MAGI2: variants seen among roughly 807,000 people sequenced by gnomAD.
The protein encoded by MAGI2 is membrane associated guanylate kinase, WW and PDZ domain containing 2.
In MAGI2, 35 loss-of-function variants were observed where a neutral mutation model predicts 133.3. The observed-to-expected ratio is 0.26, with a 90% CI of 0.20 to 0.35. The LOEUF is 0.35. Ranked by LOEUF, MAGI2 falls within the 10% of genes least tolerant of loss-of-function variation. The probability of loss-of-function intolerance (pLI) is 1.00; values close to 1 mark genes in which losing one functional copy is unlikely to be tolerated. For synonymous variants in MAGI2, 729 were observed against 710.6 expected, an observed-to-expected ratio of 1.03 and a Z score of -0.41; for missense variants, 1,636 against 1,863.4, an observed-to-expected ratio of 0.88 and a Z score of 2.25.
intron 2 of MAGI2, among the ~76,000 whole-genome samples, chr7:78,838,923 G>A (rs910297970): frequency 1.3e-5 from 2 of 152,016 alleles, no homozygotes; most frequent in Non-Finnish European, 2.9e-5. Context: ...AACACCATGA[G>A]ATACTCTAGT....
At chr7:79,124,239 T>G (rs1015076225) in intron 1 of MAGI2, among the ~76,000 whole-genome samples, 1 of 152,218 alleles carries the variant, frequency 6.6e-6, no homozygotes, top group East Asian at 1.9e-4. Context: ...CATTGTTTAG[T>G]GTTTTTAAGA....
chr7:78,369,652 T>G (rs1328379747), intron 6 of MAGI2, among the ~76,000 whole-genome samples: 1 of 152,106 alleles, frequency 6.6e-6, no homozygotes, highest in Non-Finnish European at 1.5e-5. Flanking sequence ...ACAAAGACAT[T>G]ATAAATTCTC....
rs1047827906 is a variant in MAGI2 at position 79,134,576 on chromosome 7, C to T, written c.302-127370G>A. 7.2e-5 allele frequency among the ~76,000 whole-genome samples: 11 copies of T among 152,264 alleles called. 1 individual carries two copies. The highest frequency in any genetic ancestry group is 1.9e-4 in the East Asian group (1 of 5,180). On this transcript the variant is annotated intron_variant, in intron 1 of 21. Transcript: ENST00000354212. ...AAACAATCTCTTACCTTCTCTATAT[C>T]GCACATACTTAAGTAGAGAAAAATA...
chr7:78,533,028 G>A (rs927127181), intron 3 of MAGI2, among the ~76,000 whole-genome samples: 5 of 151,256 alleles, frequency 3.3e-5, no homozygotes, highest in Non-Finnish European at 7.4e-5. Flanking sequence ...TGCAAGCTCT[G>A]CCTCCCGGGT....
intron 2 of MAGI2, among the ~76,000 whole-genome samples, chr7:78,828,358 T>A (rs1235502456): frequency 6.6e-6 from 1 of 152,192 alleles, no homozygotes; most frequent in African/African-American, 2.4e-5. Flanking sequence ...GTCTTTTGGA[T>A]CTGATGTGAT....
At chr7:78,920,416 T>C (rs1394741463) in intron 2 of MAGI2, among the ~76,000 whole-genome samples, 2 of 152,184 alleles carry the variant, frequency 1.3e-5, no homozygotes, top group East Asian at 3.8e-4. Flanking sequence ...TTGTTTTTAG[T>C]TTCAAGTTAA....
chr7:78,731,051 A>G (rs945547257), intron 2 of MAGI2, among the ~76,000 whole-genome samples: 1 of 152,116 alleles, frequency 6.6e-6, no homozygotes, highest in Non-Finnish European at 1.5e-5. Flanking sequence ...TTAAAAAAAA[A>G]AGCTCCTTAC....
At chr7:78,624,913 A>G (rs1423256724) in intron 3 of MAGI2, among the ~76,000 whole-genome samples, 1 of 152,068 alleles carries the variant, frequency 6.6e-6, no homozygotes, top group Non-Finnish European at 1.5e-5. Context: ...TATTCCTTCT[A>G]CTTATTAAAA....
At chr7:78,606,795 A>G (rs1005897484) in intron 3 of MAGI2, among the ~76,000 whole-genome samples, 3 of 151,816 alleles carry the variant, frequency 2.0e-5, no homozygotes, top group Non-Finnish European at 2.9e-5. Context: ...CTTGCAGTTA[A>G]CATGCCCTTG....
intron 1 of MAGI2, chr7:79,009,213 G>C (rs549496673): frequency 6.6e-6 from 1 of 151,840 alleles, no homozygotes; most frequent in East Asian, 1.9e-4. Context: ...TATATTATCA[G>C]TTTAAACCTT....
chr7:78,718,043 G>T (rs1302074746), intron 2 of MAGI2, among the ~76,000 whole-genome samples: 2 of 152,100 alleles, frequency 1.3e-5, no homozygotes, highest in South Asian at 2.1e-4. Flanking sequence ...ATTTAACAAG[G>T]GTGGAACGCC....
intron 1 of MAGI2, among the ~76,000 whole-genome samples, chr7:79,046,230 G>A (rs1323590709): frequency 6.6e-6 from 1 of 152,092 alleles, no homozygotes; most frequent in Non-Finnish European, 1.5e-5. Context: ...TCGAAATACA[G>A]CCTTTAAAGA....
chr7:78,544,913 C>A (rs1236927484), intron 3 of MAGI2, among the ~76,000 whole-genome samples: 1 of 151,698 alleles, frequency 6.6e-6, no homozygotes, highest in Non-Finnish European at 1.5e-5. Flanking sequence ...CCTGCTTTGG[C>A]CTCCCGAAGG....
At chr7:78,604,400 G>T (rs1805572422) in intron 3 of MAGI2, among the ~76,000 whole-genome samples, 1 of 152,128 alleles carries the variant, frequency 6.6e-6, no homozygotes, top group Non-Finnish European at 1.5e-5. Flanking sequence ...CATCTGAAGT[G>T]GTTTGCCCGT....
chr7:78,400,604 G>C (rs1218011947), intron 6 of MAGI2, among the ~76,000 whole-genome samples: 1 of 152,152 alleles, frequency 6.6e-6, no homozygotes, highest in Non-Finnish European at 1.5e-5. Context: ...AAGTGGTCTA[G>C]TTAAATCATT....
At chr7:78,560,601 A>AC (rs1460182904) in intron 3 of MAGI2, among the ~76,000 whole-genome samples, 1 of 152,214 alleles carries the variant, frequency 6.6e-6, no homozygotes, top group East Asian at 1.9e-4. Flanking sequence ...GTTTCAAAAG[A>AC]CAGGTGTTAC....
intron 2 of MAGI2, among the ~76,000 whole-genome samples, chr7:78,908,811 T>C (rs1798167827): frequency 6.6e-6 from 1 of 152,138 alleles, no homozygotes; most frequent in Non-Finnish European, 1.5e-5. Flanking sequence ...AACATATATG[T>C]AGATCACTAC....
At chr7:78,370,271 A>C (rs377380672) in intron 6 of MAGI2, among the ~76,000 whole-genome samples, 1 of 152,204 alleles carries the variant, frequency 6.6e-6, no homozygotes, top group East Asian at 1.9e-4. Context: ...CATACAGTGC[A>C]TATTACTTTT....
chr7:78,540,207 C>T (rs1467918979), intron 3 of MAGI2, among the ~76,000 whole-genome samples: 1 of 152,292 alleles, frequency 6.6e-6, no homozygotes, highest in East Asian at 1.9e-4. Flanking sequence ...CAGGTAGGGG[C>T]AGGGTTAGGC....
Sources: allele counts gnomAD v4.1 joint callset (sites outside exome capture counted in the v4.1 genomes callset), GRCh38; gene constraint gnomAD v4.1.1; transcripts MANE v1.5; gene names NCBI Gene and HGNC (gene_info 2026-07-23, HGNC 2026-07-21).